KIF21A: variants seen among roughly 807,000 people sequenced by gnomAD.
KIF21A encodes the protein kinesin-like protein KIF21A.
A neutral mutation model predicts 202.9 loss-of-function variants in KIF21A; 114 were observed. The ratio of observed to expected loss-of-function variants is 0.56; its 90% CI spans 0.48 to 0.66. KIF21A has a LOEUF of 0.66. Ranked by LOEUF, KIF21A falls within the 30% of genes least tolerant of loss-of-function variation. The pLI is 0.00. For synonymous variants in KIF21A, 667 were observed against 670.8 expected, an observed-to-expected ratio of 0.99 and a Z score of 0.09; for missense variants, 1,677 against 1,994.9, an observed-to-expected ratio of 0.84 and a Z score of 3.04.
rs1356931681 is a variant in KIF21A, at chr12:39,294,533, C to T, written c.4932-16G>A. The T allele has an allele frequency of 1.9e-6, 3 of 1,584,934 alleles. No individual in the cohort carries two copies. The highest frequency in any genetic ancestry group is 8.7e-7 in the Non-Finnish European group (1 of 1,153,982). On this transcript the variant is annotated splice_polypyrimidine_tract_variant and intron_variant, in intron 37 of 37. Coordinates refer to ENST00000361418, the MANE Select transcript of KIF21A (RefSeq NM_001173464.2). ...AGTTCGATCACTACAAAAAAATAAA[C>T]AAAACATGGATATATGAACAAGGGC...
At chr12:39,317,853 T>C (rs1468240930) in intron 29 of KIF21A, among the ~76,000 whole-genome samples, 1 of 152,170 alleles carries the variant, frequency 6.6e-6, no homozygotes, top group Non-Finnish European at 1.5e-5. Context: ...GGCATACCAA[T>C]ACAAATCTAC....
chr12:39,352,021 C>A, intron 10 of KIF21A, 41 bp from the exon 11 acceptor site: 1 of 1,409,462 alleles, frequency 7.1e-7, no homozygotes, highest in Non-Finnish European at 1.0e-6. Context: ...GCATTTTTCT[C>A]TGTGGATAAA....
At chr12:39,316,366 CTTGAT>C (rs773310399) in intron 29 of KIF21A, among the ~76,000 whole-genome samples, 5,898 of 152,156 alleles carry the variant, frequency 0.039, 164 homozygotes, top group Non-Finnish European at 0.062. Context: ...TTTTATTCAC[CTTGAT>C]AATTATCACT....
intron 26 of KIF21A, among the ~76,000 whole-genome samples, chr12:39,324,706 G>A (rs1945672985): frequency 6.6e-6 from 1 of 152,112 alleles, no homozygotes; most frequent in African/African-American, 2.4e-5. Context: ...AAAACTTGAT[G>A]GTGGCTATTT....
At position 39,332,738 on chromosome 12, in the gene KIF21A, T is replaced by A; in HGVS notation, c.2709A>T (p.Lys903Asn). The part of the protein sequence containing the change: ...PTPATNGNRK[K>N]YQRKGLTGRV... ...GGCCAGTCAATCCTTTCCTCTGATA[T>A]TTTTTCCTATAATCATATAAAACAG... Residue 903 changes from lysine (K) to asparagine (N), a missense_variant, in exon 20 of 38, where the codon AAA becomes AAT. Transcript: ENST00000361418. The A allele has an allele frequency of 6.2e-7, 1 of 1,614,028 alleles. No homozygotes were observed. Among genetic ancestry groups the A allele is most frequent in the Non-Finnish European group, 8.5e-7 (1 of 1,179,950 alleles).
chr12:39,346,570 G>A, intron 11 of KIF21A, 66 bp from the exon 12 acceptor site: 1 of 1,141,470 alleles, frequency 8.8e-7, no homozygotes. Flanking sequence ...ACAGTAAAAA[G>A]CGAAAGTGAT....
chr12:39,320,073 A>C, intron 27 of KIF21A, 60 bp from the exon 28 acceptor site: 1 of 937,070 alleles, frequency 1.1e-6, no homozygotes, highest in Non-Finnish European at 1.7e-6. Flanking sequence ...CAACTTTGGT[A>C]GATAGTCAAT....
intron 17 of KIF21A, among the ~76,000 whole-genome samples, chr12:39,334,388 G>A (rs1284807624): frequency 2.6e-5 from 4 of 151,924 alleles, no homozygotes; most frequent in East Asian, 1.9e-4. Flanking sequence ...ATAATCACTC[G>A]TGTTTTGCAT....
At position 39,363,152 on chromosome 12, in the gene KIF21A, G is replaced by A. The variant is rs770246874; in HGVS notation, c.965C>T (p.Pro322Leu). Reference protein sequence around the residue: ...GDKSKRATHVPYRDSKLTRLL... With the variant: ...GDKSKRATHVLYRDSKLTRLL... ...TCTTGTTAGCTTGGAATCTCTATAG[G>A]GGACATGTGTGGCCCTCTTGCTCTT... Residue 322 changes from proline (P) to leucine (L), a missense_variant, in exon 7 of 38, where the codon CCC (proline) becomes CTC (leucine). Coordinates refer to ENST00000361418, the MANE Select transcript of KIF21A (RefSeq NM_001173464.2). 6.2e-7 allele frequency: 1 copy of A among 1,613,306 alleles called. No homozygotes were observed. Among genetic ancestry groups the A allele is most frequent in the Non-Finnish European group, 8.5e-7 (1 of 1,179,528 alleles).
At position 39,328,139 on chromosome 12, in the gene KIF21A, C is replaced by T. The variant is rs115441603; in HGVS notation, c.3341-1815G>A. Among the ~76,000 whole-genome samples, 170 of 152,230 alleles carry T rather than the reference C, an allele frequency of 1.1e-3. 2 individuals are homozygous for T. The highest frequency in any genetic ancestry group is 3.9e-3 in the African/African-American group (161 of 41,542). On this transcript the variant is annotated intron_variant, in intron 24 of 37. Coordinates refer to ENST00000361418, the MANE Select transcript of KIF21A (RefSeq NM_001173464.2). ...TGACATCTAAAAACAGCTCTCAGAG[C>T]GTTCCCAGTCAACTGTTAGCCAATA...
intron 3 of KIF21A, 32 bp from the exon 4 acceptor site, chr12:39,368,064 G>A: frequency 1.4e-6 from 2 of 1,405,814 alleles, no homozygotes; most frequent in Non-Finnish European, 2.0e-6. Flanking sequence ...TCTAATTTTA[G>A]CAGAAATTGT....
chr12:39,376,760 G>A (rs182798771), intron 1 of KIF21A, among the ~76,000 whole-genome samples: 26 of 152,190 alleles, frequency 1.7e-4, no homozygotes, highest in African/African-American at 5.3e-4. Context: ...TGTGGTTTTT[G>A]TGGTACTTTT....
chr12:39,395,010 T>C (rs1293866175), intron 1 of KIF21A, among the ~76,000 whole-genome samples: 1 of 152,182 alleles, frequency 6.6e-6, no homozygotes, highest in African/African-American at 2.4e-5. Flanking sequence ...ATTGTGTCTG[T>C]GTAAAATCTC....
At chr12:39,393,516 T>C (rs1951520471) in intron 1 of KIF21A, among the ~76,000 whole-genome samples, 1 of 152,192 alleles carries the variant, frequency 6.6e-6, no homozygotes, top group African/African-American at 2.4e-5. Flanking sequence ...CCATTATGTG[T>C]CACCTTGTAT....
At chr12:39,321,250 C>G (rs1386547575) in intron 27 of KIF21A, 1 of 152,002 alleles carries the variant, frequency 6.6e-6, no homozygotes, top group East Asian at 1.9e-4. Context: ...TTTATGAAAA[C>G]TTTAAAGTAA....
intron 27 of KIF21A, among the ~76,000 whole-genome samples, chr12:39,320,960 G>A (rs866340974): frequency 0.012 from 882 of 70,956 alleles, 7 homozygotes; most frequent in African/African-American, 0.039. Flanking sequence ...AAAAAAAAAA[G>A]TCTGGGAAAA....
chr12:39,301,342 A>G lies in KIF21A; in HGVS notation c.4931+138T>C, dbSNP rs1046794727. The G allele has an allele frequency of 6.2e-6, 5 of 805,564 alleles. No homozygotes were observed. The Admixed American group carries it at 1.1e-4, about 18-fold the overall frequency. 49.9% of individuals were successfully genotyped at this position (805,564 alleles called of 1,614,324 possible). On this transcript the variant is annotated intron_variant, in intron 37 of 37. Coordinates refer to ENST00000361418, the MANE Select transcript of KIF21A (RefSeq NM_001173464.2). ...CCCACATGTACATCAGAAAATATGAATAAGACATCTTAAAACAGACATTAG... is the reference window on the plus strand; with the variant it reads ...CCCACATGTACATCAGAAAATATGAGTAAGACATCTTAAAACAGACATTAG...
chr12:39,323,886 G>A (rs527888026), intron 26 of KIF21A, among the ~76,000 whole-genome samples: 2 of 152,166 alleles, frequency 1.3e-5, no homozygotes, highest in South Asian at 4.2e-4. Context: ...CGAGGCAGGT[G>A]GATCACGAGG....
intron 1 of KIF21A, among the ~76,000 whole-genome samples, chr12:39,428,164 G>T (rs1954910219): frequency 6.6e-6 from 1 of 152,156 alleles, no homozygotes; most frequent in Non-Finnish European, 1.5e-5. Context: ...ACAGCAAATA[G>T]GGCTTTCTTA....
Sources: gnomAD v4.1 joint callset for allele counts (sites outside exome capture counted in the v4.1 genomes callset) on GRCh38, gnomAD v4.1.1 for gene constraint, MANE v1.5 for transcripts, NCBI Gene and HGNC (gene_info 2026-07-23, HGNC 2026-07-21) for gene names.